The following TMOD3 variants were observed in gnomAD, a reference collection of about 807,000 sequenced individuals.
TMOD3 encodes the protein tropomodulin 3.
Under a neutral mutation model 39.2 loss-of-function variants are expected in TMOD3, and 20 were observed. The ratio of observed to expected loss-of-function variants is 0.51; its 90% confidence interval spans 0.36 to 0.74. TMOD3 has a LOEUF of 0.74. Ranked by LOEUF, TMOD3 falls within the 30% of genes least tolerant of loss-of-function variation. The pLI is 0.00. For missense variants in TMOD3, 381 were observed against 412.8 expected, an observed-to-expected ratio of 0.92 and a Z score of 0.67; for synonymous variants, 143 against 145.8, an observed-to-expected ratio of 0.98 and a Z score of 0.14.
At chr15:51,896,646 A>T in intron 7 of TMOD3, 120 bp downstream of exon 7, 3 of 605,500 alleles carry the variant, frequency 5.0e-6, no homozygotes, top group South Asian at 3.3e-5. Flanking sequence ...ACTATTAGGC[A>T]GTATATTACT....
chr15:51,867,239 C>T (rs957773216), intron 2 of TMOD3, among the ~76,000 whole-genome samples: 3 of 152,054 alleles, frequency 2.0e-5, no homozygotes, highest in South Asian at 2.1e-4. Flanking sequence ...ATCATAGTTT[C>T]GACCAAAGTA....
At chr15:51,890,019 T>G (rs2056584210) in intron 5 of TMOD3, among the ~76,000 whole-genome samples, 1 of 152,170 alleles carries the variant, frequency 6.6e-6, no homozygotes, top group African/African-American at 2.4e-5. Context: ...CCACCTACCC[T>G]GTTAACAATT....
chr15:51,862,221 C>G (rs1243747097), intron 1 of TMOD3, among the ~76,000 whole-genome samples: 1 of 152,110 alleles, frequency 6.6e-6, no homozygotes, highest in Non-Finnish European at 1.5e-5. Context: ...ATGACATATC[C>G]CAGCATGATT....
intron 2 of TMOD3, among the ~76,000 whole-genome samples, chr15:51,866,238 T>C (rs962158338): frequency 3.3e-5 from 5 of 152,070 alleles, no homozygotes; most frequent in Non-Finnish European, 7.4e-5. Context: ...GAGATTTGCT[T>C]AAGAGCAGGA....
At chr15:51,851,347 C>T (rs774366770) in intron 1 of TMOD3, among the ~76,000 whole-genome samples, 2 of 152,114 alleles carry the variant, frequency 1.3e-5, no homozygotes, top group Non-Finnish European at 2.9e-5. Flanking sequence ...TTTTTTAAGG[C>T]GTGACAAGTT....
intron 5 of TMOD3, among the ~76,000 whole-genome samples, chr15:51,890,682 T>C (rs546306879): frequency 8.5e-5 from 13 of 152,350 alleles, no homozygotes; most frequent in South Asian, 4.1e-4. Context: ...TGTTATATAG[T>C]GTATCACTTA....
intron 1 of TMOD3, among the ~76,000 whole-genome samples, chr15:51,862,376 A>G (rs901116946): frequency 4.6e-5 from 7 of 152,208 alleles, no homozygotes; most frequent in African/African-American, 1.4e-4. Context: ...ATGTATTGCT[A>G]TCCCCCCATA....
intron 3 of TMOD3, among the ~76,000 whole-genome samples, chr15:51,874,018 T>G (rs973267205): frequency 6.6e-6 from 1 of 152,232 alleles, no homozygotes; most frequent in Non-Finnish European, 1.5e-5. Flanking sequence ...GACTGACAAT[T>G]AATTATACTT....
At chr15:51,906,257 G>T (rs1190360427) in intron 9 of TMOD3, among the ~76,000 whole-genome samples, 2 of 152,080 alleles carry the variant, frequency 1.3e-5, no homozygotes, top group Non-Finnish European at 1.5e-5. Flanking sequence ...CTGACATATT[G>T]GTCTCAGCAG....
At chr15:51,883,439 T>C (rs1057488150) in intron 3 of TMOD3, among the ~76,000 whole-genome samples, 4 of 152,230 alleles carry the variant, frequency 2.6e-5, no homozygotes, top group Non-Finnish European at 5.9e-5. Context: ...GGGCAGCTAT[T>C]TGATAGCTTG....
chr15:51,909,063 A>G lies in TMOD3; in HGVS notation c.*253A>G. ...AATGATTTATGATGAATCTTGGGCA[A>G]AAAAATACAACTGTAAAAAATTTCA... is the stretch of plus-strand genomic sequence containing the variant. On this transcript the variant is annotated 3_prime_UTR_variant, in exon 10 of 10. Transcript: ENST00000308580. The G allele has an allele frequency of 9.1e-6, 3 of 328,896 alleles. No individual in the cohort carries two copies. The highest frequency in any genetic ancestry group is 1.6e-5 in the Non-Finnish European group (3 of 182,522). The allele number at this position is 328,896 out of a possible 1,614,324, so 20.4% of individuals were successfully genotyped here. A position where few individuals can be genotyped will look rare whatever the true frequency, so the allele number is the denominator to read the frequency against.
At chr15:51,898,506 A>G (rs2056632821) in intron 7 of TMOD3, among the ~76,000 whole-genome samples, 1 of 152,190 alleles carries the variant, frequency 6.6e-6, no homozygotes, top group Non-Finnish European at 1.5e-5. Context: ...TCTGCCAGGC[A>G]GGGACCAATG....
chr15:51,883,740 G>C (rs935841810), intron 3 of TMOD3, among the ~76,000 whole-genome samples: 1 of 152,102 alleles, frequency 6.6e-6, no homozygotes, highest in African/African-American at 2.4e-5. Context: ...CTAGAGTGGG[G>C]CTTGGACATG....
At chr15:51,860,854 T>C in intron 1 of TMOD3, 1 of 372,192 alleles carries the variant, frequency 2.7e-6, no homozygotes, top group East Asian at 7.0e-5. Flanking sequence ...GAGAATTGCT[T>C]GAACCCAGGA....
intron 1 of TMOD3, among the ~76,000 whole-genome samples, chr15:51,830,855 C>T (rs892449149): frequency 6.6e-6 from 1 of 152,182 alleles, no homozygotes; most frequent in African/African-American, 2.4e-5. Flanking sequence ...GTTTCTTCTT[C>T]CTAGGCACCT....
intron 3 of TMOD3, among the ~76,000 whole-genome samples, chr15:51,879,889 C>CGAA (rs1555387142): frequency 6.6e-6 from 1 of 150,884 alleles, no homozygotes; most frequent in Non-Finnish European, 1.5e-5. Context: ...CACACACACA[C>CGAA]GAAGAAGAAA....
intron 3 of TMOD3, among the ~76,000 whole-genome samples, chr15:51,881,460 C>G (rs2056533271): frequency 6.7e-6 from 1 of 148,924 alleles, no homozygotes; most frequent in Non-Finnish European, 1.5e-5. Context: ...TACAATTTAT[C>G]TGTGTTTCTT....
At chr15:51,838,176 G>A (rs2056295932) in intron 1 of TMOD3, among the ~76,000 whole-genome samples, 1 of 151,956 alleles carries the variant, frequency 6.6e-6, no homozygotes, top group South Asian at 2.1e-4. Flanking sequence ...TTTTCAGCCT[G>A]TGCTTTGATC....
chr15:51,851,687 T>C (rs552328347), intron 1 of TMOD3, among the ~76,000 whole-genome samples: 1 of 152,128 alleles, frequency 6.6e-6, no homozygotes, highest in Non-Finnish European at 1.5e-5. Context: ...AGGATAAAAA[T>C]AGGTGTGGAA....
Sources: allele counts gnomAD v4.1 joint callset (sites outside exome capture counted in the v4.1 genomes callset), GRCh38; gene constraint gnomAD v4.1.1; transcripts MANE v1.5; gene names NCBI Gene and HGNC (gene_info 2026-07-23, HGNC 2026-07-21).